The following ATXN1 variants were observed in gnomAD, a reference collection of about 807,000 sequenced individuals.
The protein encoded by ATXN1 is ataxin 1, also known as ataxin-1.
Under a neutral mutation model 56.4 loss-of-function variants are expected in ATXN1, and 8 were observed. The ratio of observed to expected loss-of-function variants is 0.14; its 90% CI spans 0.08 to 0.26. The LOEUF (loss-of-function observed/expected upper bound fraction) is 0.26, where lower values mean the gene tolerates loss of function less well. Ranked by LOEUF, ATXN1 falls within the 10% of genes least tolerant of loss-of-function variation. The pLI, the probability that ATXN1 is intolerant of heterozygous loss-of-function variation, is 1.00. For missense variants in ATXN1, 987 were observed against 1,106.5 expected, an observed-to-expected ratio of 0.89 and a Z score of 1.53; for synonymous variants, 514 against 494.6, an observed-to-expected ratio of 1.04 and a Z score of -0.52.
intron 6 of ATXN1, among the ~76,000 whole-genome samples, chr6:16,452,245 G>C (rs1299997337): frequency 6.6e-6 from 1 of 152,192 alleles, no homozygotes; most frequent in African/African-American, 2.4e-5. Flanking sequence ...TTTTCTCCGA[G>C]TTCAGGGTGT....
chr6:16,750,711 G>A (rs1263167077), intron 2 of ATXN1, among the ~76,000 whole-genome samples: 1 of 152,036 alleles, frequency 6.6e-6, no homozygotes, highest in Non-Finnish European at 1.5e-5. Flanking sequence ...TGCCCATATT[G>A]ACCAAGAGAT....
chr6:16,724,625 T>C (rs1430255325), intron 2 of ATXN1, among the ~76,000 whole-genome samples: 2 of 152,224 alleles, frequency 1.3e-5, no homozygotes, highest in Non-Finnish European at 2.9e-5. Flanking sequence ...CTATGTACAA[T>C]AGGTTTCAGC....
intron 5 of ATXN1, among the ~76,000 whole-genome samples, chr6:16,519,856 A>T (rs1240593077): frequency 6.6e-6 from 1 of 152,226 alleles, no homozygotes; most frequent in East Asian, 1.9e-4. Flanking sequence ...ACAGGAGGCA[A>T]GTGTTAATAG....
At chr6:16,574,768 A>C (rs764354311) in intron 4 of ATXN1, among the ~76,000 whole-genome samples, 55 of 151,388 alleles carry the variant, frequency 3.6e-4, no homozygotes, top group Middle Eastern at 3.2e-3. Flanking sequence ...GGTCACGACT[A>C]CTCAACAAAC....
At chr6:16,554,549 T>G (rs1761977307) in intron 4 of ATXN1, among the ~76,000 whole-genome samples, 1 of 152,200 alleles carries the variant, frequency 6.6e-6, no homozygotes, top group Admixed American at 6.5e-5. Flanking sequence ...GCTCCCAGAT[T>G]CAAGCAATTC....
At chr6:16,709,540 C>T (rs1759480038) in intron 2 of ATXN1, among the ~76,000 whole-genome samples, 1 of 152,088 alleles carries the variant, frequency 6.6e-6, no homozygotes, top group African/African-American at 2.4e-5. Flanking sequence ...GAATATTTTA[C>T]TTTATAATGT....
In ATXN1 at chr6:16,333,980, C is replaced by G. The variant is rs116295725; in HGVS notation, c.-160-5510G>C. Among the ~76,000 whole-genome samples the G allele has an allele frequency of 7.0e-3, 1,067 of 152,288 alleles. 6 individuals are homozygous for G. The highest frequency in any genetic ancestry group is 0.022 in the African/African-American group (920 of 41,560). ...ATGCCTTTATGGTTGACTGAACAGG[C>G]ATGCCCCCAAAGTGGATCACACATT... On this transcript the variant is annotated intron_variant, in intron 6 of 7. Transcript: ENST00000436367.
At chr6:16,634,791 G>A (rs193264441) in intron 3 of ATXN1, among the ~76,000 whole-genome samples, 30 of 151,680 alleles carry the variant, frequency 2.0e-4, no homozygotes, top group Admixed American at 5.3e-4. Flanking sequence ...TTTATTTTGC[G>A]TGTGTGTGTG....
At chr6:16,576,902 T>A (rs931906177) in intron 4 of ATXN1, among the ~76,000 whole-genome samples, 3 of 152,068 alleles carry the variant, frequency 2.0e-5, no homozygotes, top group African/African-American at 7.2e-5. Flanking sequence ...TATAGGAGAT[T>A]GACATAAAAA....
At chr6:16,509,430 G>A (rs1174140557) in intron 5 of ATXN1, among the ~76,000 whole-genome samples, 2 of 152,194 alleles carry the variant, frequency 1.3e-5, no homozygotes, top group African/African-American at 4.8e-5. Flanking sequence ...CCTCTTGGAG[G>A]TGACATTTGT....
At chr6:16,623,776 T>C (rs1187796455) in intron 3 of ATXN1, among the ~76,000 whole-genome samples, 2 of 152,246 alleles carry the variant, frequency 1.3e-5, no homozygotes, top group South Asian at 2.1e-4. Context: ...GAAAAAAGGA[T>C]TGGTTTTACT....
At chr6:16,530,474 T>C (rs767605702) in intron 4 of ATXN1, among the ~76,000 whole-genome samples, 9 of 152,194 alleles carry the variant, frequency 5.9e-5, no homozygotes, top group East Asian at 3.8e-4. Context: ...TCCTTTTAGA[T>C]AAATATTGTA....
intron 6 of ATXN1, among the ~76,000 whole-genome samples, chr6:16,428,745 C>A (rs1397960552): frequency 1.3e-5 from 2 of 152,142 alleles, no homozygotes; most frequent in African/African-American, 2.4e-5. Context: ...TGCAGGGCCA[C>A]CCTGCTCTGC....
Position 16,544,371 on chromosome 6 carries a change from C to G in ATXN1, c.-360-21683G>C, listed in dbSNP as rs575314836. Among the ~76,000 whole-genome samples, 9 of 152,318 alleles carry G rather than the reference C, an allele frequency of 5.9e-5. No individual in the cohort carries two copies. The East Asian group carries it at 1.7e-3, about 29-fold the overall frequency. ...GGGGACTCCGCCTCAAGGCCTCCCC[C>G]TTCCTCTAGGTCTTTATCCGCAGGT... is the stretch of plus-strand genomic sequence containing the variant. On this transcript the variant is annotated intron_variant, in intron 4 of 7. Transcript: ENST00000436367.
chr6:16,686,182 C>A (rs557815112), intron 2 of ATXN1, among the ~76,000 whole-genome samples: 1 of 152,194 alleles, frequency 6.6e-6, no homozygotes, highest in African/African-American at 2.4e-5. Flanking sequence ...TTTGGTAATA[C>A]CTTGTTACAC....
chr6:16,690,251 G>C (rs564358476), intron 2 of ATXN1, among the ~76,000 whole-genome samples: 1 of 151,870 alleles, frequency 6.6e-6, no homozygotes, highest in South Asian at 2.1e-4. Flanking sequence ...CTCTGATTGG[G>C]TAGCCTCAAA....
intron 6 of ATXN1, among the ~76,000 whole-genome samples, chr6:16,434,991 G>C (rs537129176): frequency 6.6e-6 from 1 of 152,166 alleles, no homozygotes; most frequent in Non-Finnish European, 1.5e-5. Flanking sequence ...GGAAGAGAGA[G>C]AGTGCATTCG....
At chr6:16,754,986 G>A (rs1561840704) in intron 1 of ATXN1, among the ~76,000 whole-genome samples, 1 of 152,196 alleles carries the variant, frequency 6.6e-6, no homozygotes, top group Admixed American at 6.5e-5. Flanking sequence ...CTCAAATGAG[G>A]TGCAGGTACC....
intron 3 of ATXN1, among the ~76,000 whole-genome samples, chr6:16,631,956 C>T (rs1763512418): frequency 6.6e-6 from 1 of 152,172 alleles, no homozygotes; most frequent in African/African-American, 2.4e-5. Flanking sequence ...TCCACTGCAT[C>T]GTAGCTATGG....
Sources: gnomAD v4.1 joint callset for allele counts (sites outside exome capture counted in the v4.1 genomes callset) on GRCh38, gnomAD v4.1.1 for gene constraint, MANE v1.5 for transcripts, NCBI Gene and HGNC (gene_info 2026-07-23, HGNC 2026-07-21) for gene names.